ARPC1A: variants seen among roughly 807,000 people sequenced by gnomAD.
ARPC1A encodes the protein actin-related protein 2/3 complex subunit 1A.
A neutral mutation model predicts 46.9 loss-of-function variants in ARPC1A; 8 were observed. The ratio of observed to expected loss-of-function variants is 0.17; its 90% CI spans 0.10 to 0.31. The LOEUF (loss-of-function observed/expected upper bound fraction) is 0.31. Ranked by LOEUF, ARPC1A falls within the 10% of genes least tolerant of loss-of-function variation. The pLI, the probability that ARPC1A is intolerant of heterozygous loss-of-function variation, is 1.00. For missense variants in ARPC1A, 286 were observed against 483.6 expected (o/e 0.59, Z 3.83); for synonymous variants, 152 against 169.0 (o/e 0.90, Z 0.78).
intron 8 of ARPC1A, among the ~76,000 whole-genome samples, chr7:99,361,351 T>A (rs1584388105): frequency 6.6e-6 from 1 of 151,964 alleles, no homozygotes; most frequent in Non-Finnish European, 1.5e-5. Context: ...AAAAAATTTT[T>A]AAGTTAGCTG....
Position 99,344,363 on chromosome 7 carries a change from T to A in ARPC1A, c.240T>A (p.Ser80Arg), listed in dbSNP as rs140164246. 129 of 1,613,718 alleles carry A rather than the reference T, an allele frequency of 8.0e-5. No homozygotes were observed. The highest frequency in any genetic ancestry group is 1.1e-4 in the Non-Finnish European group (127 of 1,179,854). The change falls in exon 4 of 10, where the codon AGT becomes AGA. Residue 80 changes from serine (S) to arginine (R), a missense_variant. By Grantham distance (110) the Ser-to-Arg change is moderately radical. Around this residue, in one of 5 missense-constraint regions of ARPC1A, gnomAD observed 38 missense variants for 95.8 expected, o/e 0.40. Coordinates refer to ENST00000262942, the MANE Select transcript of ARPC1A (RefSeq NM_006409.4). The stretch of plus-strand genomic sequence containing the variant: ...CAGACCGCAATGCCTATGTCTGGAG[T>A]CAGAAAGATGGTGTTTGGAAGCCAA... ...CGADRNAYVW[S>R]QKDGVWKPTL...
chr7:99,339,052 T>C (rs1793314739), intron 3 of ARPC1A, among the ~76,000 whole-genome samples: 1 of 152,170 alleles, frequency 6.6e-6, no homozygotes, highest in African/African-American at 2.4e-5. Flanking sequence ...TTACCAACTT[T>C]TTCCCTGTGC....
intron 5 of ARPC1A, among the ~76,000 whole-genome samples, chr7:99,353,126 ATGTT>A (rs1320279202): frequency 8.0e-6 from 1 of 124,320 alleles, no homozygotes; most frequent in Admixed American, 8.4e-5. Context: ...ATGTTATGTT[ATGTT>A]ATGTTATGTT....
chr7:99,358,692 C>T, intron 7 of ARPC1A: 1 of 348,536 alleles, frequency 2.9e-6, no homozygotes, highest in Non-Finnish European at 5.3e-6. Flanking sequence ...AGGCATGCGC[C>T]ACCATACCTG....
intron 1 of ARPC1A, among the ~76,000 whole-genome samples, chr7:99,332,430 G>A (rs1282110212): frequency 2.0e-5 from 3 of 152,030 alleles, no homozygotes; most frequent in Non-Finnish European, 4.4e-5. Flanking sequence ...TCAACGTAAA[G>A]GCATCTTTTT....
intron 5 of ARPC1A, among the ~76,000 whole-genome samples, chr7:99,350,509 T>G (rs756907544): frequency 9.9e-5 from 15 of 152,186 alleles, no homozygotes; most frequent in Non-Finnish European, 2.2e-4. Flanking sequence ...GAATTCCATG[T>G]AATTGCTTTT....
At chr7:99,351,359 G>A (rs931124344) in intron 5 of ARPC1A, among the ~76,000 whole-genome samples, 4 of 151,892 alleles carry the variant, frequency 2.6e-5, no homozygotes, top group East Asian at 3.9e-4. Context: ...GATTGCAGGC[G>A]TACACCACCA....
intron 1 of ARPC1A, among the ~76,000 whole-genome samples, chr7:99,329,852 A>G (rs1369419804): frequency 1.3e-5 from 2 of 152,244 alleles, no homozygotes; most frequent in Non-Finnish European, 2.9e-5. Flanking sequence ...TTCACATCAA[A>G]TTTCTGATTT....
At chr7:99,327,869 G>T (rs1793074444) in intron 1 of ARPC1A, among the ~76,000 whole-genome samples, 1 of 152,138 alleles carries the variant, frequency 6.6e-6, no homozygotes, top group Non-Finnish European at 1.5e-5. Context: ...GACCTTGTTG[G>T]AGTACTTGAT....
Position 99,365,986 on chromosome 7 carries a change from C to T in ARPC1A, c.*57C>T, listed in dbSNP as rs990503040. 23 of 1,534,204 alleles carry T rather than the reference C, an allele frequency of 1.5e-5. No individual in the cohort carries two copies. Among genetic ancestry groups the T allele is most frequent in the Admixed American group, 5.9e-5 (3 of 51,226 alleles). On this transcript the variant is annotated 3_prime_UTR_variant, in exon 10 of 10. Transcript: ENST00000262942. ...AAACTGTGGCCGACCGCAGCTGTGC[C>T]GTGGCACGATGGCGAGGAAGCCAGC...
At chr7:99,349,016 A>G (rs1584381651) in intron 5 of ARPC1A, 57 bp downstream of exon 5, 2 of 1,474,384 alleles carry the variant, frequency 1.4e-6, no homozygotes, top group Non-Finnish European at 1.9e-6. Flanking sequence ...CCTTCAACAA[A>G]TAATTTTAGG....
rs1793507043 is a variant in ARPC1A at position 99,349,015 on chromosome 7, A to C, written c.500+56A>C. ...GCCGTGCATTCTTCATCCTTCAACAAATAATTTTAGGTTCTCTTTCTTTGT... is the reference window on the plus strand; with the variant it reads ...GCCGTGCATTCTTCATCCTTCAACACATAATTTTAGGTTCTCTTTCTTTGT... On this transcript the variant is annotated intron_variant, in intron 5 of 9. Coordinates refer to ENST00000262942, the MANE Select transcript of ARPC1A (RefSeq NM_006409.4). 3.4e-6 allele frequency: 5 copies of C among 1,476,784 alleles called. No homozygotes were observed. The South Asian group carries it at 5.8e-5, about 17-fold the overall frequency. 91.5% of individuals were successfully genotyped at this position (1,476,784 alleles called of 1,614,324 possible).
At chr7:99,354,386 G>A (rs749078488) in intron 6 of ARPC1A, among the ~76,000 whole-genome samples, 1 of 150,924 alleles carries the variant, frequency 6.6e-6, no homozygotes, top group Non-Finnish European at 1.5e-5. Context: ...TCCAGGTGTG[G>A]TGGTAGGCGC....
At chr7:99,327,924 A>G (rs1288083634) in intron 1 of ARPC1A, among the ~76,000 whole-genome samples, 1 of 152,172 alleles carries the variant, frequency 6.6e-6, no homozygotes, top group Non-Finnish European at 1.5e-5. Flanking sequence ...TAGGTGAATC[A>G]CGGTCTTGAA....
intron 2 of ARPC1A, among the ~76,000 whole-genome samples, chr7:99,335,032 A>G (rs1430449247): frequency 6.6e-6 from 1 of 152,144 alleles, no homozygotes; most frequent in Non-Finnish European, 1.5e-5. Context: ...TTTTTAGTAG[A>G]GACAGGGTTT....
At chr7:99,336,289 G>A (rs1008045354) in intron 2 of ARPC1A, among the ~76,000 whole-genome samples, 1 of 152,050 alleles carries the variant, frequency 6.6e-6, no homozygotes, top group African/African-American at 2.4e-5. Flanking sequence ...ATACATGTGA[G>A]AAAGTGAGAG....
intron 1 of ARPC1A, among the ~76,000 whole-genome samples, chr7:99,333,048 C>A (rs1793174486): frequency 6.6e-6 from 1 of 152,068 alleles, no homozygotes; most frequent in African/African-American, 2.4e-5. Flanking sequence ...AGGCGTGTGC[C>A]ACCACGCCCA....
intron 1 of ARPC1A, among the ~76,000 whole-genome samples, chr7:99,331,546 T>A (rs2150857869): frequency 6.6e-6 from 1 of 152,298 alleles, no homozygotes; most frequent in African/African-American, 2.4e-5. Context: ...AAAATGAAAA[T>A]AATTCCATAT....
intron 5 of ARPC1A, among the ~76,000 whole-genome samples, chr7:99,349,447 G>A (rs1793513091): frequency 1.3e-5 from 2 of 151,918 alleles, no homozygotes; most frequent in African/African-American, 4.8e-5. Flanking sequence ...GCTCACACCT[G>A]TAATCCCAGC....
Sources: allele counts gnomAD v4.1 joint callset (sites outside exome capture counted in the v4.1 genomes callset), GRCh38; gene constraint gnomAD v4.1.1; regional missense constraint gnomAD v4.1.1; transcripts MANE v1.5; gene names NCBI Gene and HGNC (gene_info 2026-07-23, HGNC 2026-07-21).